The following EPHB1 variants were observed in gnomAD, a reference collection of about 807,000 sequenced individuals.
EPHB1 encodes EPH receptor B1.
In EPHB1, 30 loss-of-function variants were observed where a neutral mutation model predicts 94.4. That is an observed-to-expected ratio of 0.32 (90% CI 0.24 to 0.43). The LOEUF is 0.43. EPHB1 is among the 20% of genes least tolerant of loss of function. The pLI, the probability that EPHB1 is intolerant of heterozygous loss-of-function variation, is 1.00. For missense variants in EPHB1, 1,055 were observed against 1,308.3 expected (o/e 0.81, Z 2.99); for synonymous variants, 522 against 489.1 (o/e 1.07, Z -0.89).
intron 1 of EPHB1, among the ~76,000 whole-genome samples, chr3:134,843,431 A>C (rs2036813434): frequency 6.6e-6 from 1 of 152,162 alleles, no homozygotes; most frequent in African/African-American, 2.4e-5. Context: ...TTCTCATTAA[A>C]TTTGAACTGT....
At chr3:134,937,141 A>G (rs1309649744) in intron 2 of EPHB1, among the ~76,000 whole-genome samples, 1 of 152,230 alleles carries the variant, frequency 6.6e-6, no homozygotes, top group Non-Finnish European at 1.5e-5. Flanking sequence ...TGTCATTCAA[A>G]GAATATTCTT....
intron 1 of EPHB1, among the ~76,000 whole-genome samples, chr3:134,807,350 TG>T (rs1187386830): frequency 6.6e-6 from 1 of 151,900 alleles, no homozygotes; most frequent in African/African-American, 2.4e-5. Context: ...AATAGACTGG[TG>T]GGGGAGACAG....
chr3:134,961,100 C>T (rs1001100756), intron 3 of EPHB1, among the ~76,000 whole-genome samples: 3 of 152,300 alleles, frequency 2.0e-5, no homozygotes, highest in Admixed American at 2.0e-4. Context: ...TCTTTTCTTT[C>T]TTCAGCTACT....
Position 135,192,582 on chromosome 3 carries a change from T to C in EPHB1, c.1889T>C (p.Phe630Ser), listed in dbSNP as rs748267494. The change falls in exon 11 of 16, where the codon TTT becomes TCT. Residue 630 changes from phenylalanine to serine, a missense_variant. Physicochemically the swap from Phe to Ser is radical, Grantham distance 155. Transcript: ENST00000398015. ...KIEEVIGAGEFGEVYKGRLKL... is the reference protein window; with the variant it reads ...KIEEVIGAGESGEVYKGRLKL... ...GGCATTTTTGCTGTTGCAGGGGAGT[T>C]TGGAGAAGTGTACAAGGGGCGTTTG... The C allele has an allele frequency of 1.2e-6, 2 of 1,613,476 alleles. No homozygotes were observed. The highest frequency in any genetic ancestry group is 1.7e-5 in the Admixed American group (1 of 59,982).
At chr3:135,039,163 C>T (rs1217599288) in intron 3 of EPHB1, among the ~76,000 whole-genome samples, 1 of 151,752 alleles carries the variant, frequency 6.6e-6, no homozygotes, top group African/African-American at 2.4e-5. Flanking sequence ...ATACAGAGTG[C>T]CGATTGGTGT....
At chr3:135,208,243 G>A (rs993188598) in intron 12 of EPHB1, among the ~76,000 whole-genome samples, 2 of 150,486 alleles carry the variant, frequency 1.3e-5, no homozygotes, top group Non-Finnish European at 2.9e-5. Flanking sequence ...TTCCCCAAAC[G>A]CTGTGATAGG....
chr3:135,113,091 A>G (rs1256528841), intron 4 of EPHB1, among the ~76,000 whole-genome samples: 1 of 152,180 alleles, frequency 6.6e-6, no homozygotes, highest in African/African-American at 2.4e-5. Flanking sequence ...CCTTGAGGTG[A>G]ACTTCAGACA....
intron 12 of EPHB1, among the ~76,000 whole-genome samples, chr3:135,206,582 G>A (rs1295846783): frequency 6.6e-6 from 1 of 152,174 alleles, no homozygotes; most frequent in Non-Finnish European, 1.5e-5. Flanking sequence ...GGGCATGGTG[G>A]CCTGTGCCTG....
chr3:135,106,523 C>T lies in EPHB1; in HGVS notation c.881C>T (p.Pro294Leu), dbSNP rs1939225865. The change falls in exon 4 of 16, where the codon CCT (proline) becomes CTT (leucine). Residue 294 changes from proline to leucine, a missense_variant. Coordinates refer to ENST00000398015, the MANE Select transcript of EPHB1 (RefSeq NM_004441.5). ...CACTGCCCCTCCAACAGCCGCTCCC[C>T]TGCAGAGGCGTCTCCCATCTGCACC... The part of the protein sequence containing the change: ...CSHCPSNSRS[P>L]AEASPICTCR... 1.2e-6 allele frequency: 2 copies of T among 1,614,048 alleles called. No homozygotes were observed. The highest frequency in any genetic ancestry group is 1.1e-5 in the South Asian group (1 of 91,088).
At chr3:134,895,259 C>T (rs188619483) in intron 1 of EPHB1, among the ~76,000 whole-genome samples, 1 of 152,332 alleles carries the variant, frequency 6.6e-6, no homozygotes, top group African/African-American at 2.4e-5. Context: ...CCACAGAGAT[C>T]CACACCGTCT....
chr3:135,143,307 G>T (rs1054741236), intron 5 of EPHB1, among the ~76,000 whole-genome samples: 1 of 152,168 alleles, frequency 6.6e-6, no homozygotes, highest in African/African-American at 2.4e-5. Context: ...CTGGTGGGCT[G>T]CTCTGAGGAG....
intron 13 of EPHB1, among the ~76,000 whole-genome samples, chr3:135,244,219 CA>C (rs1379663339): frequency 1.3e-5 from 2 of 152,184 alleles, no homozygotes; most frequent in African/African-American, 4.8e-5. Context: ...GGCAACCCCT[CA>C]CCACACCTCC....
intron 15 of EPHB1, among the ~76,000 whole-genome samples, chr3:135,257,970 G>T (rs1363113260): frequency 6.6e-6 from 1 of 152,130 alleles, no homozygotes; most frequent in African/African-American, 2.4e-5. Flanking sequence ...GGAGTGACCC[G>T]ATTTTCCAGG....
At chr3:134,898,439 C>A (rs1258749297) in intron 1 of EPHB1, among the ~76,000 whole-genome samples, 1 of 152,116 alleles carries the variant, frequency 6.6e-6, no homozygotes, top group Non-Finnish European at 1.5e-5. Flanking sequence ...CTTTTTCTGA[C>A]CCTGTCATCT....
At chr3:134,976,477 A>G (rs1025301577) in intron 3 of EPHB1, among the ~76,000 whole-genome samples, 1 of 152,228 alleles carries the variant, frequency 6.6e-6, no homozygotes, top group Non-Finnish European at 1.5e-5. Context: ...TTCTAATATC[A>G]TCAAAGATAA....
intron 3 of EPHB1, among the ~76,000 whole-genome samples, chr3:135,068,546 C>T (rs1475063738): frequency 6.6e-6 from 1 of 151,596 alleles, no homozygotes; most frequent in Admixed American, 6.6e-5. Context: ...ATTCTGGATA[C>T]TATTGTCTTG....
intron 3 of EPHB1, among the ~76,000 whole-genome samples, chr3:134,984,395 A>T (rs1037953470): frequency 4.6e-5 from 7 of 152,158 alleles, no homozygotes; most frequent in African/African-American, 1.7e-4. Flanking sequence ...TCTGGATGGG[A>T]TGGGGCTTCA....
intron 3 of EPHB1, among the ~76,000 whole-genome samples, chr3:134,978,336 G>T (rs557552529): frequency 6.6e-6 from 1 of 152,078 alleles, no homozygotes; most frequent in Non-Finnish European, 1.5e-5. Flanking sequence ...AAGTAAAGCT[G>T]GTCCTGTCGA....
intron 15 of EPHB1, among the ~76,000 whole-genome samples, chr3:135,255,425 T>C (rs75355632): frequency 0.13 from 13,192 of 98,450 alleles, 1,436 homozygotes; most frequent in Middle Eastern, 0.27. Flanking sequence ...TGTCTTTGTT[T>C]CCGTTGGTTT....
Sources: gnomAD v4.1 joint callset for allele counts (sites outside exome capture counted in the v4.1 genomes callset) on GRCh38, gnomAD v4.1.1 for gene constraint, MANE v1.5 for transcripts, NCBI Gene and HGNC (gene_info 2026-07-23, HGNC 2026-07-21) for gene names.